The following LOXL3 variants were observed in gnomAD, a reference collection of about 807,000 sequenced individuals.
LOXL3 encodes lysyl oxidase like 3.
LOXL3 carries 60 observed loss-of-function variants against 91.8 expected under a neutral mutation model. That is an observed-to-expected ratio of 0.65 (90% CI 0.53 to 0.81). LOXL3 has a LOEUF of 0.81. Among genes scored for constraint, LOXL3 ranks in the 30% least tolerant of loss-of-function variants. The pLI is 0.00. For synonymous variants in LOXL3, 355 were observed against 387.6 expected, an observed-to-expected ratio of 0.92 and a Z score of 0.99; for missense variants, 874 against 1,000.4, an observed-to-expected ratio of 0.87 and a Z score of 1.70.
intron 4 of LOXL3, among the ~76,000 whole-genome samples, chr2:74,542,963 CCCTA>C (rs1412498560): frequency 6.6e-6 from 1 of 152,128 alleles, no homozygotes; most frequent in Non-Finnish European, 1.5e-5. Context: ...CTCTGGTTTT[CCCTA>C]CCTATCACTC....
chr2:74,555,425 T>C (rs745609922), upstream of LOXL3: 1 of 1,610,592 alleles, frequency 6.2e-7, no homozygotes, highest in East Asian at 2.2e-5. This position sits in a 1 kb window ranked among gnomAD's most constrained non-coding sequence, Gnocchi z 6.1. Flanking sequence ...GCAGCCTGGG[T>C]GCAGACGCTG....
At position 74,534,528 on chromosome 2, in the gene LOXL3, C is replaced by T; in HGVS notation, c.1823+3G>A. The T allele has an allele frequency of 6.2e-7, 1 of 1,614,158 alleles. No homozygotes were observed. Among genetic ancestry groups the T allele is most frequent in the Non-Finnish European group, 8.5e-7 (1 of 1,179,982 alleles). On this transcript the variant is annotated splice_donor_region_variant and intron_variant, in intron 10 of 13. Coordinates refer to ENST00000264094, the MANE Select transcript of LOXL3 (RefSeq NM_032603.5). ...CCTTCTACTTGACTCCCTACCCTCT[C>T]ACCCATGGCACTCGTGCCACACCCA... is the stretch of plus-strand genomic sequence containing the variant.
rs772444680 is a variant in LOXL3 at position 74,550,311 on chromosome 2, G to C, written c.351C>G (p.Thr117=). The change falls in exon 3 of 14, where the codon ACC becomes ACG. Residue 117 remains threonine, a synonymous_variant. Coordinates refer to ENST00000264094, the MANE Select transcript of LOXL3 (RefSeq NM_032603.5). ...AGGCACATTCAGTCACACTCTGCTC[G>C]GTCCCACTGCAGCTCAAGTTGTCCA... ...IWLDNLSCSG[T]EQSVTECASR... 2.5e-6 allele frequency: 4 copies of C among 1,614,102 alleles called. No individual in the cohort carries two copies. The highest frequency in any genetic ancestry group is 3.4e-6 in the Non-Finnish European group (4 of 1,180,006).
chr2:74,553,316 AG>A (rs765473833), intron 1 of LOXL3, among the ~76,000 whole-genome samples: 6 of 152,162 alleles, frequency 3.9e-5, no homozygotes, highest in Non-Finnish European at 8.8e-5. Context: ...CTGGCACCAA[AG>A]CTCGCCTGGA....
At chr2:74,555,674 C>T (rs775628052), upstream of LOXL3, 2 of 1,613,734 alleles carry the variant, frequency 1.2e-6, no homozygotes, top group East Asian at 2.2e-5. The surrounding 1 kb of genome is among the most constrained non-coding windows in gnomAD (Gnocchi z 6.1). Context: ...GGAAGGTAGA[C>T]GCCTCAGAAG....
At chr2:74,545,282 G>A (rs1676532122) in intron 4 of LOXL3, among the ~76,000 whole-genome samples, 1 of 152,042 alleles carries the variant, frequency 6.6e-6, no homozygotes, top group Non-Finnish European at 1.5e-5. Flanking sequence ...TTCAATTTTA[G>A]AACAAACTCC....
chr2:74,535,669 G>A lies in LOXL3; in HGVS notation c.1335C>T (p.Ile445=). 2 of 1,613,116 alleles carry A rather than the reference G, an allele frequency of 1.2e-6. No homozygotes were observed. The highest frequency in any genetic ancestry group is 1.7e-6 in the Non-Finnish European group (2 of 1,179,792). The change falls in exon 8 of 14, where the codon ATC becomes ATT. Residue 445 remains isoleucine, a synonymous_variant. Coordinates refer to ENST00000264094, the MANE Select transcript of LOXL3 (RefSeq NM_032603.5). This position sits in a 1 kb window ranked among gnomAD's most constrained non-coding sequence, Gnocchi z 4.2. Reference sequence around the variant, plus strand: ...CCAGGGTCCCCCAGTCATCCCCACAGATGAGGCCCCAGCGAAGGGGCCCAG... The same window carrying A: ...CCAGGGTCCCCCAGTCATCCCCACAAATGAGGCCCCAGCGAAGGGGCCCAG... ...GGPGPLRWGL[I]CGDDWGTLEA...
In LOXL3 at chr2:74,536,148, T is replaced by C. The variant is rs1169427067; in HGVS notation, c.1096A>G (p.Met366Val). 1.2e-6 allele frequency: 2 copies of C among 1,613,628 alleles called. No homozygotes were observed. The highest frequency in any genetic ancestry group is 1.7e-6 in the Non-Finnish European group (2 of 1,180,004). ...ACTTCACTCAGGTGGATAGCACCCA[T>C]GCCTAGGGCCAGATGGCAAAGATCA... ...ALSGARMGQG[M>V]GAIHLSEVRC... The change falls in exon 7 of 14, where the codon ATG becomes GTG. Residue 366 changes from methionine (M) to valine (V), a missense_variant and splice_region_variant. Met to Val is a conservative substitution (Grantham distance 21). Transcript: ENST00000264094. This position sits in a 1 kb window ranked among gnomAD's most constrained non-coding sequence, Gnocchi z 4.5.
chr2:74,542,031 G>A (rs759678870), intron 4 of LOXL3, among the ~76,000 whole-genome samples: 8 of 152,198 alleles, frequency 5.3e-5, no homozygotes, highest in East Asian at 1.9e-4. Context: ...AGCGGCTTAC[G>A]CCTGTAATCC....
At chr2:74,550,047 A>G (rs1676901418) in intron 3 of LOXL3, 138 bp downstream of exon 3, 2 of 1,476,308 alleles carry the variant, frequency 1.4e-6, no homozygotes, top group East Asian at 2.4e-5. Context: ...TGGGAGCTCT[A>G]TCATTTGCTT....
chr2:74,555,516 A>G, upstream of LOXL3: 1 of 1,612,742 alleles, frequency 6.2e-7, no homozygotes, highest in South Asian at 1.1e-5. This position sits in a 1 kb window ranked among gnomAD's most constrained non-coding sequence, Gnocchi z 6.1. Flanking sequence ...GGGCTGCCTC[A>G]GACCGACCCC....
Position 74,536,482 on chromosome 2 carries a change from G to C in LOXL3, c.913-11C>G, listed in dbSNP as rs762621438. On this transcript the variant is annotated splice_polypyrimidine_tract_variant and intron_variant, in intron 5 of 13. Coordinates refer to ENST00000264094, the MANE Select transcript of LOXL3 (RefSeq NM_032603.5). The surrounding 1 kb of genome is among the most constrained non-coding windows in gnomAD (Gnocchi z 4.5). ...TAGACGGACACGGGCCTATAGAAGA[G>C]AGAAGTGCCCAACAGAGGCAAATGG... 1.9e-6 allele frequency: 3 copies of C among 1,609,136 alleles called. No homozygotes were observed. Among genetic ancestry groups the C allele is most frequent in the East Asian group, 2.2e-5 (1 of 44,672 alleles).
upstream of LOXL3, chr2:74,555,199 G>A: frequency 6.2e-7 from 1 of 1,613,496 alleles, no homozygotes; most frequent in South Asian, 1.1e-5. The surrounding 1 kb of genome is among the most constrained non-coding windows in gnomAD (Gnocchi z 6.1). Context: ...CAGTCCCCAC[G>A]GCGTAGCGCG....
chr2:74,552,283 C>G (rs1471623740), intron 2 of LOXL3, 39 bp downstream of exon 2: 5 of 1,562,200 alleles, frequency 3.2e-6, no homozygotes, highest in Non-Finnish European at 4.4e-6. Context: ...TTTGGCCACA[C>G]ATAGGAAATA....
In LOXL3 at chr2:74,549,650, A is replaced by G; in HGVS notation, c.478-67T>C. ...CCTTTCATGTGTCCCGCCGCCCTTAAGGAACCCTGCTTGGTGTGCCTGCTG... is the reference window on the plus strand; with the variant it reads ...CCTTTCATGTGTCCCGCCGCCCTTAGGGAACCCTGCTTGGTGTGCCTGCTG... On this transcript the variant is annotated intron_variant, in intron 3 of 13. Transcript: ENST00000264094. This position sits in a 1 kb window ranked among gnomAD's most constrained non-coding sequence, Gnocchi z 5.3. 5.9e-6 allele frequency: 9 copies of G among 1,520,690 alleles called. No individual in the cohort carries two copies. Among genetic ancestry groups the G allele is most frequent in the Non-Finnish European group, 8.0e-6 (9 of 1,126,370 alleles). 94.2% of individuals were successfully genotyped at this position (1,520,690 alleles called of 1,614,324 possible).
intron 4 of LOXL3, among the ~76,000 whole-genome samples, chr2:74,546,109 T>C (rs189676924): frequency 1.8e-4 from 28 of 152,278 alleles, no homozygotes; most frequent in Admixed American, 7.8e-4. Context: ...ACTGAATCCA[T>C]CAGCAAGTCC....
chr2:74,554,663 A>AG (rs1184977164), upstream of LOXL3: 60 of 1,274,366 alleles, frequency 4.7e-5, no homozygotes, highest in Non-Finnish European at 6.1e-5. This position sits in a 1 kb window ranked among gnomAD's most constrained non-coding sequence, Gnocchi z 4.9. Context: ...GGGGCCGGGG[A>AG]GGGGCGGAAA....
chr2:74,553,277 T>A (rs1009806067), intron 1 of LOXL3, among the ~76,000 whole-genome samples: 5 of 152,072 alleles, frequency 3.3e-5, no homozygotes, highest in African/African-American at 4.8e-5. Flanking sequence ...CCCAGAGTCC[T>A]AACCCAGCAG....
intron 4 of LOXL3, among the ~76,000 whole-genome samples, chr2:74,537,507 G>C (rs970779270): frequency 6.6e-6 from 1 of 152,194 alleles, no homozygotes; most frequent in Non-Finnish European, 1.5e-5. Context: ...GCAGGTAGAC[G>C]CAAGAAAAAC....
Sources: allele counts gnomAD v4.1 joint callset (sites outside exome capture counted in the v4.1 genomes callset), GRCh38; gene constraint gnomAD v4.1.1; non-coding constraint Gnocchi (gnomAD v3.1); transcripts MANE v1.5; gene names NCBI Gene and HGNC (gene_info 2026-07-23, HGNC 2026-07-21).